The following PACRG variants were observed in gnomAD, a reference collection of about 807,000 sequenced individuals.
The protein encoded by PACRG is parkin coregulated gene protein.
A neutral mutation model predicts 29.7 loss-of-function variants in PACRG; 29 were observed. That is an observed-to-expected ratio of 0.98 (90% CI 0.73 to 1.33). The LOEUF (loss-of-function observed/expected upper bound fraction) is 1.33, where lower values mean the gene tolerates loss of function less well. Among genes scored for constraint, PACRG ranks in the 40% most tolerant of loss-of-function variants. The pLI is 0.00. For missense variants in PACRG, 279 were observed against 316.2 expected (o/e 0.88, Z 0.89); for synonymous variants, 116 against 118.7 (o/e 0.98, Z 0.15).
At chr6:162,761,773 C>G (rs896458923) in intron 1 of PACRG, among the ~76,000 whole-genome samples, 1 of 151,646 alleles carries the variant, frequency 6.6e-6, no homozygotes, top group Admixed American at 6.6e-5. Flanking sequence ...CCCGTCTCTA[C>G]TAAAAGTGCA....
At chr6:163,138,012 G>A (rs1817005795) in intron 4 of PACRG, among the ~76,000 whole-genome samples, 1 of 152,356 alleles carries the variant, frequency 6.6e-6, no homozygotes, top group African/African-American at 2.4e-5. Flanking sequence ...CTCAGAGCCT[G>A]GCTCAGAGGC....
intron 4 of PACRG, among the ~76,000 whole-genome samples, chr6:163,105,843 T>C (rs1272055953): frequency 6.6e-6 from 1 of 152,158 alleles, no homozygotes; most frequent in Non-Finnish European, 1.5e-5. Flanking sequence ...GCCTAAACTA[T>C]GTTTTTCAAA....
At chr6:163,225,422 G>A (rs1215822746) in intron 4 of PACRG, among the ~76,000 whole-genome samples, 1 of 152,220 alleles carries the variant, frequency 6.6e-6, no homozygotes, top group Non-Finnish European at 1.5e-5. Context: ...CTGCCACCAT[G>A]TAAGGTGTAT....
At chr6:163,090,559 T>A (rs1466564137) in intron 4 of PACRG, among the ~76,000 whole-genome samples, 2 of 152,216 alleles carry the variant, frequency 1.3e-5, no homozygotes, top group Non-Finnish European at 2.9e-5. Flanking sequence ...GAGTCTCTTA[T>A]TGTTAAAATG....
rs117398510 is a variant in PACRG, at chr6:163,111,037, C to A, written c.613+21629C>A. 9.3e-3 allele frequency among the ~76,000 whole-genome samples: 1,418 copies of A among 152,332 alleles called. 8 individuals are homozygous for A. Among genetic ancestry groups the A allele is most frequent in the Non-Finnish European group, 0.015 (1,017 of 68,028 alleles). ...ATGCAGATTCTCCTTCCGCTTCTTA[C>A]ATCTGTTTTTCTTTCCTTCAACCTC... On this transcript the variant is annotated intron_variant, in intron 4 of 4. Transcript: ENST00000366888.
At chr6:163,124,764 G>A (rs535322673) in intron 4 of PACRG, among the ~76,000 whole-genome samples, 69 of 152,294 alleles carry the variant, frequency 4.5e-4, no homozygotes, top group African/African-American at 1.5e-3. Context: ...TCGAGAGGCC[G>A]TACAGCTGGA....
chr6:162,829,062 A>G (rs568800644), intron 2 of PACRG, among the ~76,000 whole-genome samples: 1 of 152,372 alleles, frequency 6.6e-6, no homozygotes, highest in African/African-American at 2.4e-5. Flanking sequence ...TCACATTTCA[A>G]AAATAAGAAA....
At chr6:163,089,440 A>C in intron 4 of PACRG, 32 bp downstream of exon 4, 2 of 1,606,026 alleles carry the variant, frequency 1.2e-6, no homozygotes, top group Non-Finnish European at 1.7e-6. Context: ...AATGTCTTTT[A>C]AGCCAAAGAA....
Position 163,128,563 on chromosome 6 carries a change from T to C in PACRG, c.613+39155T>C, listed in dbSNP as rs572902583. 3.3e-3 allele frequency among the ~76,000 whole-genome samples: 503 copies of C among 152,342 alleles called. 4 individuals carry two copies. The highest frequency in any genetic ancestry group is 0.011 in the African/African-American group (467 of 41,570). On this transcript the variant is annotated intron_variant, in intron 4 of 4. Transcript: ENST00000366888. ...CAAGTTATATAACTTAATTTACTGC[T>C]GAAATGGAAGCTAAAGTGGTTAGTG...
chr6:163,044,217 G>A (rs1809072033), intron 2 of PACRG, among the ~76,000 whole-genome samples: 1 of 148,728 alleles, frequency 6.7e-6, no homozygotes, highest in Non-Finnish European at 1.5e-5. Context: ...CACCCAGGCT[G>A]GAGTGCAGTG....
chr6:163,068,675 A>T (rs1811769177), intron 3 of PACRG, among the ~76,000 whole-genome samples: 2 of 150,696 alleles, frequency 1.3e-5, no homozygotes, highest in Non-Finnish European at 3.0e-5. Flanking sequence ...CTTTTTGTTC[A>T]TTTTTTCCTA....
intron 2 of PACRG, among the ~76,000 whole-genome samples, chr6:162,829,479 G>A (rs1040747199): frequency 6.6e-6 from 1 of 152,184 alleles, no homozygotes; most frequent in Non-Finnish European, 1.5e-5. Context: ...ATTTCAGAAG[G>A]TTGCAATTTA....
intron 4 of PACRG, among the ~76,000 whole-genome samples, chr6:163,273,845 A>G (rs1257891054): frequency 1.3e-5 from 2 of 151,994 alleles, no homozygotes; most frequent in Non-Finnish European, 2.9e-5. Context: ...AAAATTTCTT[A>G]TGATTTAATT....
intron 2 of PACRG, among the ~76,000 whole-genome samples, chr6:162,900,158 C>A (rs766339272): frequency 2.6e-5 from 4 of 152,020 alleles, no homozygotes; most frequent in Non-Finnish European, 5.9e-5. Flanking sequence ...AGAACTGATG[C>A]GCTGGTATCC....
At chr6:163,187,030 AC>A (rs1260850592) in intron 4 of PACRG, among the ~76,000 whole-genome samples, 2 of 151,728 alleles carry the variant, frequency 1.3e-5, no homozygotes, top group Non-Finnish European at 2.9e-5. Context: ...GGAGGGAGAC[AC>A]CCCCCGTCCT....
At chr6:163,265,847 T>C (rs919235410) in intron 4 of PACRG, among the ~76,000 whole-genome samples, 4 of 152,224 alleles carry the variant, frequency 2.6e-5, no homozygotes, top group African/African-American at 7.2e-5. Context: ...AACTTTTATA[T>C]TGAGCATTTA....
Position 162,855,909 on chromosome 6 carries a change from G to A in PACRG, c.291+41628G>A, listed in dbSNP as rs944530544. Among the ~76,000 whole-genome samples, 15 of 152,126 alleles carry A rather than the reference G, an allele frequency of 9.9e-5. 1 individual carries two copies. Among genetic ancestry groups the A allele is most frequent in the Admixed American group, 9.8e-4 (15 of 15,272 alleles). On this transcript the variant is annotated intron_variant, in intron 2 of 4. Transcript: ENST00000366888. ...CTAGTCAGTTATGGCCCCTTCTCAC[G>A]GAGTCCGGGTTCAGGTTCTGCCCCT...
chr6:163,283,151 C>T (rs1784276154), intron 4 of PACRG, among the ~76,000 whole-genome samples: 1 of 152,208 alleles, frequency 6.6e-6, no homozygotes, highest in South Asian at 2.1e-4. Flanking sequence ...TAAAGGGTAT[C>T]TGTAATATAC....
At chr6:163,193,987 G>T (rs1226562793) in intron 4 of PACRG, among the ~76,000 whole-genome samples, 1 of 151,416 alleles carries the variant, frequency 6.6e-6, no homozygotes, top group Non-Finnish European at 1.5e-5. Flanking sequence ...CCACCTCCTG[G>T]GTTCAAGCGA....
Sources: allele counts gnomAD v4.1 joint callset (sites outside exome capture counted in the v4.1 genomes callset), GRCh38; gene constraint gnomAD v4.1.1; transcripts MANE v1.5; gene names NCBI Gene and HGNC (gene_info 2026-07-23, HGNC 2026-07-21).